RBPMS2: variants seen among roughly 807,000 people sequenced by gnomAD.
The protein encoded by RBPMS2 is RNA-binding protein with multiple splicing 2.
In RBPMS2, 14 loss-of-function variants were observed where a neutral mutation model predicts 25.7. The observed-to-expected ratio is 0.55, with a 90% CI of 0.36 to 0.85. The LOEUF is 0.85. Ranked by LOEUF, RBPMS2 falls within the 40% of genes least tolerant of loss-of-function variation. The pLI, the probability that RBPMS2 is intolerant of heterozygous loss-of-function variation, is 0.01. For missense variants in RBPMS2, 252 were observed against 283.4 expected, an observed-to-expected ratio of 0.89 and a Z score of 0.80; for synonymous variants, 127 against 115.6, an observed-to-expected ratio of 1.10 and a Z score of -0.63.
chr15:64,762,536 C>A (rs768907453), intron 1 of RBPMS2: 2 of 534,260 alleles, frequency 3.7e-6, no homozygotes, highest in Non-Finnish European at 7.7e-6. Flanking sequence ...GGAAAGAGAC[C>A]CCACTGAGAA....
At chr15:64,755,790 G>A (rs1256983801) in intron 1 of RBPMS2, among the ~76,000 whole-genome samples, 3 of 152,136 alleles carry the variant, frequency 2.0e-5, no homozygotes, top group Admixed American at 6.5e-5. Flanking sequence ...GGAGGAACAA[G>A]AGGTTCCAAA....
In RBPMS2 at chr15:64,750,720, C is replaced by A. The variant is rs185268968; in HGVS notation, c.166-339G>T. 2.8e-3 allele frequency among the ~76,000 whole-genome samples: 432 copies of A among 152,304 alleles called. 6 individuals are homozygous for A. Among genetic ancestry groups the A allele is most frequent in the Non-Finnish European group, 3.5e-3 (236 of 68,028 alleles). On this transcript the variant is annotated intron_variant, in intron 2 of 7. Coordinates refer to ENST00000300069, the MANE Select transcript of RBPMS2 (RefSeq NM_194272.3). ...AAGGCTACACTGAATCTCAAAGATT[C>A]TTTATATAACCACATATATTTAAAG...
intron 1 of RBPMS2, chr15:64,762,291 AGACT>A: frequency 2.1e-6 from 1 of 478,334 alleles, no homozygotes; most frequent in Non-Finnish European, 4.2e-6. Context: ...ACTGACTGAC[AGACT>A]GTCAACTCCC....
chr15:64,774,741 G>GCCGGCCGGCCGGCCGA (rs1393187766), intron 1 of RBPMS2, among the ~76,000 whole-genome samples: 1 of 151,424 alleles, frequency 6.6e-6, no homozygotes, highest in Non-Finnish European at 1.5e-5. Flanking sequence ...GAGCCGGCCG[G>GCCGGCCGGCCGGCCGA]CCCAGGCCTC....
chr15:64,748,611 C>T (rs766193437), intron 5 of RBPMS2, 44 bp from the exon 6 acceptor site: 2 of 1,511,674 alleles, frequency 1.3e-6, no homozygotes, highest in Non-Finnish European at 8.8e-7. Context: ...ACACTCGCCT[C>T]CCCTTCCAAA....
At chr15:64,760,862 C>G (rs1223904218) in intron 1 of RBPMS2, among the ~76,000 whole-genome samples, 1 of 151,344 alleles carries the variant, frequency 6.6e-6, no homozygotes, top group Non-Finnish European at 1.5e-5. Flanking sequence ...GGCAAGAAAC[C>G]ACTGGAACCA....
chr15:64,772,016 A>G (rs1014048375), intron 1 of RBPMS2, among the ~76,000 whole-genome samples: 1 of 152,210 alleles, frequency 6.6e-6, no homozygotes, highest in Non-Finnish European at 1.5e-5. Context: ...TCATCTCTAG[A>G]TTATTCACAA....
At chr15:64,764,558 C>G (rs2083824000) in intron 1 of RBPMS2, among the ~76,000 whole-genome samples, 1 of 152,158 alleles carries the variant, frequency 6.6e-6, no homozygotes, top group African/African-American at 2.4e-5. Context: ...CAGCTCCCTG[C>G]CACAAACATA....
At chr15:64,767,676 A>AT (rs936338410) in intron 1 of RBPMS2, among the ~76,000 whole-genome samples, 19 of 151,346 alleles carry the variant, frequency 1.3e-4, no homozygotes, top group East Asian at 5.8e-4. Flanking sequence ...CTTGAGTGGG[A>AT]TTTTTTTTTC....
intron 1 of RBPMS2, among the ~76,000 whole-genome samples, chr15:64,772,641 C>T (rs1242950113): frequency 1.3e-5 from 2 of 152,140 alleles, no homozygotes; most frequent in Non-Finnish European, 2.9e-5. Flanking sequence ...CTTATACATG[C>T]GACTCCCTCC....
intron 3 of RBPMS2, among the ~76,000 whole-genome samples, chr15:64,749,856 A>G (rs1388907873): frequency 2.0e-5 from 3 of 152,204 alleles, no homozygotes; most frequent in Non-Finnish European, 2.9e-5. Context: ...GGGGACACCA[A>G]TGTATCAAGG....
At chr15:64,762,371 C>G (rs760795982) in intron 1 of RBPMS2, 14 of 381,904 alleles carry the variant, frequency 3.7e-5, no homozygotes, top group Admixed American at 3.6e-4. Flanking sequence ...GGTGCTGGAG[C>G]AGGCCCAGCC....
At chr15:64,741,901 C>T (rs1420723138) in intron 6 of RBPMS2, among the ~76,000 whole-genome samples, 1 of 152,224 alleles carries the variant, frequency 6.6e-6, no homozygotes, top group East Asian at 1.9e-4. Context: ...CGCAGCGGCT[C>T]ACGCCTGTAA....
chr15:64,749,354 G>A (rs988266622), intron 4 of RBPMS2, 77 bp downstream of exon 4: 11 of 1,427,422 alleles, frequency 7.7e-6, no homozygotes, highest in African/African-American at 7.0e-5. Context: ...AGGGATGGCC[G>A]GGAAATAAGA....
At chr15:64,751,970 CTTTTTTTTTTTT>C (rs2083686603) in intron 1 of RBPMS2, among the ~76,000 whole-genome samples, 1 of 137,012 alleles carries the variant, frequency 7.3e-6, no homozygotes, top group African/African-American at 2.7e-5. Flanking sequence ...TTTTTTTTTT[CTTTTTTTTTTTT>C]GAGACAGAGT....
At chr15:64,746,283 C>T (rs1395100726) in intron 6 of RBPMS2, among the ~76,000 whole-genome samples, 1 of 152,082 alleles carries the variant, frequency 6.6e-6, no homozygotes, top group African/African-American at 2.4e-5. Flanking sequence ...ATCCCAGTCC[C>T]CGTCCAAGGA....
At chr15:64,755,543 G>A (rs952380388) in intron 1 of RBPMS2, among the ~76,000 whole-genome samples, 8 of 152,098 alleles carry the variant, frequency 5.3e-5, no homozygotes, top group Admixed American at 2.0e-4. Context: ...CTGAGTTCAC[G>A]GAGGAGCAGG....
chr15:64,761,033 A>T (rs970144040), intron 1 of RBPMS2: 10 of 91,890 alleles, frequency 1.1e-4, no homozygotes, highest in Admixed American at 4.5e-4. Context: ...AAATATCCTT[A>T]AAAAAAAAAA....
chr15:64,745,192 C>G (rs1388150117), intron 6 of RBPMS2, among the ~76,000 whole-genome samples: 1 of 152,092 alleles, frequency 6.6e-6, no homozygotes, highest in Admixed American at 6.6e-5. Context: ...ACTTATACAC[C>G]TGCTCCAAAC....
Sources: gnomAD v4.1 joint callset for allele counts (sites outside exome capture counted in the v4.1 genomes callset) on GRCh38, gnomAD v4.1.1 for gene constraint, MANE v1.5 for transcripts, NCBI Gene and HGNC (gene_info 2026-07-23, HGNC 2026-07-21) for gene names.